Variants in CADPS2 observed in about 807,000 individuals in gnomAD.
CADPS2 encodes calcium-dependent secretion activator 2.
In CADPS2, 93 loss-of-function variants were observed where a neutral mutation model predicts 172.5. That is an observed-to-expected ratio of 0.54 (90% CI 0.46 to 0.64). The LOEUF (loss-of-function observed/expected upper bound fraction) is 0.64, where lower values mean the gene tolerates loss of function less well. Among genes scored for constraint, CADPS2 ranks in the 30% least tolerant of loss-of-function variants. The probability of loss-of-function intolerance (pLI) is 0.00; values close to 1 mark genes in which losing one functional copy is unlikely to be tolerated. For missense variants in CADPS2, 1,420 were observed against 1,565.9 expected, an observed-to-expected ratio of 0.91 and a Z score of 1.57; for synonymous variants, 546 against 555.2, an observed-to-expected ratio of 0.98 and a Z score of 0.23.
chr7:122,451,513 G>A (rs752211978), intron 14 of CADPS2, 38 bp from the exon 15 acceptor site: 111 of 1,137,970 alleles, frequency 9.8e-5, no homozygotes, highest in Middle Eastern at 6.4e-4. Context: ...CATATTGATC[G>A]AACATTTACT....
chr7:122,869,072 A>G (rs1819054660), intron 1 of CADPS2, among the ~76,000 whole-genome samples: 1 of 152,140 alleles, frequency 6.6e-6, no homozygotes, highest in Non-Finnish European at 1.5e-5. Context: ...AACACCATCA[A>G]GTGAATAAAC....
chr7:122,760,211 T>C (rs970649348), intron 1 of CADPS2, among the ~76,000 whole-genome samples: 13 of 152,006 alleles, frequency 8.6e-5, no homozygotes, highest in African/African-American at 2.4e-5. Flanking sequence ...CTGTATATGC[T>C]AAGCAAAGAA....
chr7:122,855,918 A>T (rs891957034), intron 1 of CADPS2, among the ~76,000 whole-genome samples: 3 of 152,172 alleles, frequency 2.0e-5, no homozygotes, highest in Non-Finnish European at 4.4e-5. Flanking sequence ...TCATGCAAAT[A>T]TTAATACCCC....
chr7:122,801,012 A>AAAAAAAAG (rs1797528515), intron 1 of CADPS2, among the ~76,000 whole-genome samples: 1 of 150,802 alleles, frequency 6.6e-6, no homozygotes, highest in African/African-American at 2.5e-5. Flanking sequence ...AAAAAAAGAA[A>AAAAAAAAG]ATTCAAGTGA....
At chr7:122,868,621 A>G (rs943760611) in intron 1 of CADPS2, among the ~76,000 whole-genome samples, 7 of 152,198 alleles carry the variant, frequency 4.6e-5, no homozygotes, top group Admixed American at 1.3e-4. Context: ...CAAGACAGGA[A>G]GGGGTGGTTC....
intron 16 of CADPS2, 94 bp downstream of exon 16, chr7:122,441,418 A>G: frequency 2.8e-6 from 2 of 713,908 alleles, no homozygotes; most frequent in Non-Finnish European, 4.5e-6. Context: ...AGTAGAGAGC[A>G]TAGAATAACG....
At chr7:122,655,537 A>G (rs2079642845) in intron 3 of CADPS2, among the ~76,000 whole-genome samples, 1 of 152,172 alleles carries the variant, frequency 6.6e-6, no homozygotes, top group Non-Finnish European at 1.5e-5. Context: ...TATTTTTTAA[A>G]CATAATTCTA....
intron 1 of CADPS2, among the ~76,000 whole-genome samples, chr7:122,852,606 T>G (rs1813978154): frequency 1.3e-5 from 2 of 152,072 alleles, no homozygotes; most frequent in African/African-American, 4.8e-5. Flanking sequence ...GAAGGAACTT[T>G]CAGGTACAGA....
rs140518610 is a variant in CADPS2 at position 122,544,694 on chromosome 7, T to C, written c.1475+9856A>G. Among the ~76,000 whole-genome samples the C allele has an allele frequency of 6.4e-4, 98 of 152,288 alleles. 2 individuals carry two copies. The East Asian group carries it at 0.014, about 22-fold the overall frequency. ...AAGTGAGCAAGAGAGGAAGTGAAAATGCACATGTGCTTTTTGAAGTATATG... is the reference window on the plus strand; with the variant it reads ...AAGTGAGCAAGAGAGGAAGTGAAAACGCACATGTGCTTTTTGAAGTATATG... On this transcript the variant is annotated intron_variant, in intron 8 of 29. Transcript: ENST00000449022.
chr7:122,711,526 C>T (rs968527352), intron 2 of CADPS2, among the ~76,000 whole-genome samples: 1 of 152,084 alleles, frequency 6.6e-6, no homozygotes, highest in Non-Finnish European at 1.5e-5. Flanking sequence ...AACTTTTTCT[C>T]CAATCCAGAA....
chr7:122,398,445 G>C (rs1283811451), intron 20 of CADPS2, among the ~76,000 whole-genome samples: 1 of 152,072 alleles, frequency 6.6e-6, no homozygotes, highest in African/African-American at 2.4e-5. Flanking sequence ...CTTCTCATTA[G>C]GCATTTCAGA....
chr7:122,644,192 T>C (rs1433467280), intron 3 of CADPS2, among the ~76,000 whole-genome samples: 1 of 152,236 alleles, frequency 6.6e-6, no homozygotes, highest in Admixed American at 6.5e-5. Flanking sequence ...TCAAACACTT[T>C]AGCCTAACAT....
At chr7:122,396,979 C>A (rs2045227359) in intron 20 of CADPS2, among the ~76,000 whole-genome samples, 2 of 152,268 alleles carry the variant, frequency 1.3e-5, no homozygotes, top group South Asian at 4.1e-4. Context: ...TTAAATGGCA[C>A]TTATAAAACC....
intron 20 of CADPS2, among the ~76,000 whole-genome samples, chr7:122,404,025 G>C (rs2046300271): frequency 6.6e-6 from 1 of 151,936 alleles, no homozygotes; most frequent in South Asian, 2.1e-4. Flanking sequence ...AAGTTTTAGG[G>C]TACATGTGCA....
intron 2 of CADPS2, chr7:122,698,580 T>C: frequency 6.2e-7 from 1 of 1,614,094 alleles, no homozygotes; most frequent in Non-Finnish European, 8.5e-7. Context: ...TAATTTTCTG[T>C]GTGAAGGTAC....
At chr7:122,873,305 A>G (rs1820287075) in intron 1 of CADPS2, among the ~76,000 whole-genome samples, 1 of 151,986 alleles carries the variant, frequency 6.6e-6, no homozygotes, top group South Asian at 2.1e-4. Context: ...TATTTCTCAT[A>G]ATGCTCTCCC....
In CADPS2 at chr7:122,393,349, C is replaced by T. The variant is rs140140875; in HGVS notation, c.2889-34G>A. 766 of 1,613,690 alleles carry T rather than the reference C, an allele frequency of 4.7e-4. 5 individuals carry two copies. In the African/African-American group the frequency reaches 9.1e-3, roughly 19 times the overall value. ...AAACAAACAACGTGGGAAGGGACCA[C>T]CATAAGCGATAACTACAGATGGCCA... On this transcript the variant is annotated intron_variant, in intron 21 of 29. Coordinates refer to ENST00000449022, the MANE Select transcript of CADPS2 (RefSeq NM_017954.11).
intron 1 of CADPS2, among the ~76,000 whole-genome samples, chr7:122,797,181 T>C (rs964318850): frequency 3.9e-5 from 6 of 152,066 alleles, no homozygotes; most frequent in South Asian, 2.1e-4. Context: ...CAAATGGCTA[T>C]TATTAAAAAG....
chr7:122,499,656 T>C (rs1376656615), intron 9 of CADPS2, among the ~76,000 whole-genome samples: 10 of 152,294 alleles, frequency 6.6e-5, no homozygotes, highest in African/African-American at 2.4e-4. Context: ...GTGTAAGTCC[T>C]TTTCACTACA....
Sources: allele counts gnomAD v4.1 joint callset (sites outside exome capture counted in the v4.1 genomes callset), GRCh38; gene constraint gnomAD v4.1.1; transcripts MANE v1.5; gene names NCBI Gene and HGNC (gene_info 2026-07-23, HGNC 2026-07-21).